PPFIBP1: variants seen among roughly 807,000 people sequenced by gnomAD.
PPFIBP1 encodes the protein liprin-beta-1.
PPFIBP1 carries 112 observed loss-of-function variants against 137.8 expected under a neutral mutation model. The ratio of observed to expected loss-of-function variants is 0.81; its 90% CI spans 0.70 to 0.95. PPFIBP1 has a LOEUF of 0.95. Among genes scored for constraint, PPFIBP1 ranks in the 40% least tolerant of loss-of-function variants. PPFIBP1 has a pLI of 0.00. For missense variants in PPFIBP1, 1,083 were observed against 1,196.6 expected (o/e 0.91, Z 1.40); for synonymous variants, 378 against 417.3 (o/e 0.91, Z 1.15).
intron 1 of PPFIBP1, among the ~76,000 whole-genome samples, chr12:27,537,423 G>GCCCGGCCCCCCGTTTCCTTATTCTGCAC (rs1314314994): frequency 6.6e-6 from 1 of 152,080 alleles, no homozygotes; most frequent in Non-Finnish European, 1.5e-5. Context: ...GAGCCACCGC[G>GCCCGGCCCCCCGTTTCCTTATTCTGCAC]CCCGGCCCCC....
At chr12:27,533,985 G>A (rs1371412948) in intron 1 of PPFIBP1, among the ~76,000 whole-genome samples, 2 of 152,328 alleles carry the variant, frequency 1.3e-5, no homozygotes, top group Non-Finnish European at 2.9e-5. Context: ...GTCAGTTCAT[G>A]AACCTGGAAT....
chr12:27,590,024 C>T (rs1289682183), intron 2 of PPFIBP1, among the ~76,000 whole-genome samples: 1 of 152,142 alleles, frequency 6.6e-6, no homozygotes, highest in Non-Finnish European at 1.5e-5. Context: ...CCCTACTGAC[C>T]AGTCTTTTTT....
At chr12:27,617,437 A>T (rs1229316677) in intron 2 of PPFIBP1, among the ~76,000 whole-genome samples, 1 of 152,164 alleles carries the variant, frequency 6.6e-6, no homozygotes, top group African/African-American at 2.4e-5. Context: ...CAGTTCCTAG[A>T]TCAGTTTCTG....
At chr12:27,559,684 G>A (rs1381637310) in intron 1 of PPFIBP1, among the ~76,000 whole-genome samples, 1 of 152,106 alleles carries the variant, frequency 6.6e-6, no homozygotes, top group East Asian at 1.9e-4. Flanking sequence ...TTTTACAATT[G>A]GATCATAAGG....
At chr12:27,540,510 C>A (rs1945535112) in intron 1 of PPFIBP1, among the ~76,000 whole-genome samples, 1 of 151,664 alleles carries the variant, frequency 6.6e-6, no homozygotes, top group African/African-American at 2.4e-5. Context: ...GGATTACAGG[C>A]ATGGGCTATT....
chr12:27,537,967 G>A (rs1013963739), intron 1 of PPFIBP1, among the ~76,000 whole-genome samples: 1 of 152,174 alleles, frequency 6.6e-6, no homozygotes, highest in Non-Finnish European at 1.5e-5. Flanking sequence ...AACGGAAATT[G>A]GGTGTATGCT....
At chr12:27,673,870 G>T in intron 16 of PPFIBP1, 43 bp downstream of exon 16, 1 of 1,492,254 alleles carries the variant, frequency 6.7e-7, no homozygotes, top group South Asian at 1.2e-5. Flanking sequence ...GTTATCCTGA[G>T]AAAAAACTAT....
At chr12:27,596,989 A>T (rs2053386101) in intron 2 of PPFIBP1, among the ~76,000 whole-genome samples, 2 of 152,140 alleles carry the variant, frequency 1.3e-5, no homozygotes, top group Non-Finnish European at 2.9e-5. Flanking sequence ...TCCCTGGAAG[A>T]TTCCTGGGGG....
intron 1 of PPFIBP1, among the ~76,000 whole-genome samples, chr12:27,556,144 C>T (rs1215685308): frequency 1.3e-5 from 2 of 152,176 alleles, no homozygotes; most frequent in African/African-American, 2.4e-5. Flanking sequence ...TCAAAATCTG[C>T]TGGAGAAATC....
chr12:27,648,509 A>C (rs2139565523), intron 6 of PPFIBP1, among the ~76,000 whole-genome samples: 1 of 152,326 alleles, frequency 6.6e-6, no homozygotes, highest in East Asian at 1.9e-4. Flanking sequence ...TATATACCCA[A>C]AGGAAAGGAA....
At chr12:27,529,738 A>G (rs1323699723) in intron 1 of PPFIBP1, among the ~76,000 whole-genome samples, 28 of 152,186 alleles carry the variant, frequency 1.8e-4, no homozygotes, top group Admixed American at 1.8e-3. Context: ...TTTTCCTTTT[A>G]GCAATAATAG....
intron 13 of PPFIBP1, among the ~76,000 whole-genome samples, chr12:27,668,465 A>T (rs976128102): frequency 6.6e-6 from 1 of 152,204 alleles, no homozygotes; most frequent in Non-Finnish European, 1.5e-5. Flanking sequence ...CATGTTGCCA[A>T]TCCTCTGGGC....
chr12:27,621,830 G>A (rs2138581431), intron 2 of PPFIBP1, among the ~76,000 whole-genome samples: 1 of 152,288 alleles, frequency 6.6e-6, no homozygotes. Context: ...AGTTCTTGCA[G>A]CTTTTTAATG....
intron 1 of PPFIBP1, among the ~76,000 whole-genome samples, chr12:27,546,348 A>C (rs1210666260): frequency 6.6e-6 from 1 of 152,244 alleles, no homozygotes; most frequent in Admixed American, 6.5e-5. Flanking sequence ...GGATCAAATG[A>C]GATCACATGT....
chr12:27,672,896 CTG>C (rs2060288248), intron 15 of PPFIBP1, among the ~76,000 whole-genome samples: 1 of 152,098 alleles, frequency 6.6e-6, no homozygotes, highest in African/African-American at 2.4e-5. Context: ...GACCTAATAT[CTG>C]TGTTTATCCA....
chr12:27,567,132 T>G (rs1382710179), intron 1 of PPFIBP1, among the ~76,000 whole-genome samples: 3 of 152,184 alleles, frequency 2.0e-5, no homozygotes, highest in Non-Finnish European at 2.9e-5. Context: ...ATTTTAAAGG[T>G]GAACTGGAAT....
intron 2 of PPFIBP1, among the ~76,000 whole-genome samples, chr12:27,602,701 G>A (rs1262131947): frequency 6.6e-6 from 1 of 152,148 alleles, no homozygotes; most frequent in African/African-American, 2.4e-5. Context: ...TGGTTGACTT[G>A]GTTTTCTGTT....
chr12:27,639,946 G>A (rs2057993730), intron 4 of PPFIBP1, among the ~76,000 whole-genome samples: 1 of 152,110 alleles, frequency 6.6e-6, no homozygotes, highest in East Asian at 1.9e-4. Flanking sequence ...TTTCTGACCA[G>A]CTTTGCTTTT....
At chr12:27,561,635 T>G (rs1460041428) in intron 1 of PPFIBP1, among the ~76,000 whole-genome samples, 2 of 152,162 alleles carry the variant, frequency 1.3e-5, no homozygotes, top group African/African-American at 4.8e-5. Context: ...CTCTCCAGCT[T>G]CTCTGACCTC....
Sources: allele counts gnomAD v4.1 joint callset (sites outside exome capture counted in the v4.1 genomes callset), GRCh38; gene constraint gnomAD v4.1.1; transcripts MANE v1.5; gene names NCBI Gene and HGNC (gene_info 2026-07-23, HGNC 2026-07-21).